The following SPATA31H1 variants were observed in gnomAD, a reference collection of about 807,000 sequenced individuals.
The protein encoded by SPATA31H1 is SPATA31 subfamily H member 1, also known as spermatogenesis-associated protein 31H1.
At chr2:27,571,196 C>T in the SPATA31H1 span, 2 of 398,234 alleles carry the variant, frequency 5.0e-6, no homozygotes, top group Admixed American at 8.8e-5. Flanking sequence ...TGACGTTAAC[C>T]CCAGAGCCAC....
chr2:27,550,320 G>GCT, the SPATA31H1 span, among the ~76,000 whole-genome samples: 1 of 145,926 alleles, frequency 6.9e-6, no homozygotes, highest in African/African-American at 2.5e-5. Context: ...TGTAATGTTT[G>GCT]ATAGAGTGTA....
chr2:27,580,544 G>A, the SPATA31H1 span: 4 of 1,614,072 alleles, frequency 2.5e-6, no homozygotes, highest in Admixed American at 3.3e-5. Context: ...ATTTAAGAAG[G>A]AAGAGGATTG....
the SPATA31H1 span, chr2:27,579,330 G>A: frequency 6.2e-7 from 1 of 1,614,214 alleles, no homozygotes; most frequent in Admixed American, 1.7e-5. Context: ...AGCCACTGCA[G>A]ATACCTGTCA....
At chr2:27,580,221 T>G in the SPATA31H1 span, 2 of 1,614,148 alleles carry the variant, frequency 1.2e-6, no homozygotes, top group Non-Finnish European at 1.7e-6. Context: ...CACAATAGAT[T>G]TGCAGTCTGG....
the SPATA31H1 span, chr2:27,581,373 CCTT>C: frequency 2.5e-6 from 4 of 1,613,706 alleles, no homozygotes; most frequent in African/African-American, 1.3e-5. Context: ...CCATTCCAGT[CCTT>C]CTGAGAGAAG....
the SPATA31H1 span, chr2:27,574,511 A>C: frequency 2.5e-6 from 1 of 398,534 alleles, no homozygotes; most frequent in Non-Finnish European, 4.4e-6. Flanking sequence ...AAGATGTAAA[A>C]TCTATGAAGT....
At chr2:27,576,672 A>G in the SPATA31H1 span, 23 of 1,613,934 alleles carry the variant, frequency 1.4e-5, no homozygotes, top group African/African-American at 2.7e-5. Flanking sequence ...ACCAGAGCCA[A>G]CTAGGAAGTT....
chr2:27,566,457 AGGAG>A, the SPATA31H1 span: 1 of 699,212 alleles, frequency 1.4e-6, no homozygotes, highest in Non-Finnish European at 2.7e-6. Flanking sequence ...AAGGGAATGA[AGGAG>A]GGAGGGAGAG....
chr2:27,559,358 C>T, the SPATA31H1 span, among the ~76,000 whole-genome samples: 1 of 152,170 alleles, frequency 6.6e-6, no homozygotes. Flanking sequence ...TAGGGGTTCT[C>T]AACTCATTTT....
chr2:27,551,555 G>A, the SPATA31H1 span, among the ~76,000 whole-genome samples: 1 of 151,970 alleles, frequency 6.6e-6, no homozygotes, highest in Non-Finnish European at 1.5e-5. Flanking sequence ...GAAATCCATA[G>A]GGCAGACCAG....
chr2:27,563,577 T>G, the SPATA31H1 span, among the ~76,000 whole-genome samples: 1 of 150,800 alleles, frequency 6.6e-6, no homozygotes, highest in Non-Finnish European at 1.5e-5. Context: ...TTTTTTTTTT[T>G]GAGACTGAGT....
the SPATA31H1 span, chr2:27,566,686 T>A: frequency 1.0e-5 from 6 of 583,072 alleles, no homozygotes; most frequent in Non-Finnish European, 1.6e-5. Context: ...GCCACTTTTT[T>A]CGTTTTCCTA....
At chr2:27,559,416 C>T in the SPATA31H1 span, among the ~76,000 whole-genome samples, 1 of 152,184 alleles carries the variant, frequency 6.6e-6, no homozygotes. Context: ...TTTAGCTGGG[C>T]TTATTTCCCT....
the SPATA31H1 span, among the ~76,000 whole-genome samples, chr2:27,548,324 T>C: frequency 6.6e-6 from 1 of 151,790 alleles, no homozygotes; most frequent in African/African-American, 2.4e-5. Flanking sequence ...ACTCCAATTA[T>C]CGCCTGGGTG....
the SPATA31H1 span, among the ~76,000 whole-genome samples, chr2:27,562,989 G>GT: frequency 2.6e-5 from 4 of 151,370 alleles, no homozygotes; most frequent in Non-Finnish European, 4.4e-5. Context: ...CATCTTCTAT[G>GT]TTTTTTTTAG....
the SPATA31H1 span, chr2:27,580,690 G>A: frequency 6.2e-6 from 10 of 1,614,086 alleles, no homozygotes; most frequent in South Asian, 4.4e-5. Flanking sequence ...TCTGTTGGGC[G>A]GAAGCCTGTG....
the SPATA31H1 span, among the ~76,000 whole-genome samples, chr2:27,559,378 C>A: frequency 6.6e-6 from 1 of 152,160 alleles, no homozygotes; most frequent in South Asian, 2.1e-4. Flanking sequence ...TTTTGTTCAT[C>A]TATTCCCATA....
At chr2:27,548,700 G>C in the SPATA31H1 span, among the ~76,000 whole-genome samples, 29 of 150,752 alleles carry the variant, frequency 1.9e-4, no homozygotes, top group Middle Eastern at 3.2e-3. Context: ...AAATGGATTT[G>C]TGAGTCTCTT....
At chr2:27,546,759 C>T in the SPATA31H1 span, among the ~76,000 whole-genome samples, 1 of 151,972 alleles carries the variant, frequency 6.6e-6, no homozygotes, top group East Asian at 1.9e-4. Context: ...TCTCGAACTC[C>T]TCAGTTCAAG....
Sources: gnomAD v4.1 joint callset for allele counts (sites outside exome capture counted in the v4.1 genomes callset) on GRCh38, gnomAD v4.1.1 for gene constraint, MANE v1.5 for transcripts, NCBI Gene and HGNC (gene_info 2026-07-23, HGNC 2026-07-21) for gene names.